The following STXBP3 variants were observed in gnomAD, a reference collection of about 807,000 sequenced individuals.
STXBP3 encodes syntaxin binding protein 3.
STXBP3 carries 41 observed loss-of-function variants against 85.7 expected under a neutral mutation model. That is an observed-to-expected ratio of 0.48 (90% CI 0.37 to 0.62). The LOEUF is 0.62. STXBP3 is among the 20% of genes least tolerant of loss of function. STXBP3 has a pLI of 0.00. For missense variants in STXBP3, 563 were observed against 703.1 expected, an observed-to-expected ratio of 0.80 and a Z score of 2.25; for synonymous variants, 229 against 231.7, an observed-to-expected ratio of 0.99 and a Z score of 0.10.
chr1:108,766,359 C>T (rs1166848614), intron 6 of STXBP3, among the ~76,000 whole-genome samples: 1 of 152,094 alleles, frequency 6.6e-6, no homozygotes, highest in East Asian at 1.9e-4. Context: ...CTTTGATTTG[C>T]ATGTGACTTA....
intron 2 of STXBP3, 70 bp downstream of exon 2, chr1:108,752,376 C>T: frequency 7.2e-7 from 1 of 1,394,896 alleles, no homozygotes; most frequent in Non-Finnish European, 1.0e-6. Context: ...ATAAAAACTA[C>T]ATAGTATTTA....
intron 11 of STXBP3, among the ~76,000 whole-genome samples, chr1:108,787,235 G>A (rs1662850835): frequency 2.0e-5 from 3 of 152,004 alleles, no homozygotes; most frequent in Admixed American, 2.0e-4. Flanking sequence ...CTCCCTAGTA[G>A]CTGGGACTAC....
At chr1:108,765,978 G>T (rs1418128773) in intron 6 of STXBP3, among the ~76,000 whole-genome samples, 1 of 150,090 alleles carries the variant, frequency 6.7e-6, no homozygotes, top group Non-Finnish European at 1.5e-5. Flanking sequence ...TCAGCCTCCC[G>T]AGTAGCTGGG....
At chr1:108,774,625 TTCTC>T (rs1288246439) in intron 7 of STXBP3, among the ~76,000 whole-genome samples, 2 of 147,936 alleles carry the variant, frequency 1.4e-5, no homozygotes, top group East Asian at 4.0e-4. Context: ...AACATTCTTT[TTCTC>T]TCTTTCTTTC....
intron 16 of STXBP3, among the ~76,000 whole-genome samples, chr1:108,799,650 A>T (rs959994956): frequency 2.0e-5 from 3 of 152,156 alleles, no homozygotes; most frequent in African/African-American, 7.2e-5. Context: ...GTTCATGCAC[A>T]CCTAACCATA....
chr1:108,802,713 T>A (rs1423365020), intron 17 of STXBP3, among the ~76,000 whole-genome samples: 1 of 152,236 alleles, frequency 6.6e-6, no homozygotes, highest in African/African-American at 2.4e-5. Flanking sequence ...AAATGTTTTG[T>A]TTTGTTTTCC....
rs1662025014 is a variant in STXBP3, at chr1:108,756,558, T to C, written c.182-132T>C. The C allele has an allele frequency of 1.2e-5, 5 of 428,754 alleles. No homozygotes were observed. The East Asian group carries it at 2.0e-4, about 17-fold the overall frequency. 26.6% of individuals were successfully genotyped at this position (428,754 alleles called of 1,614,324 possible). ...CAAAGAAAATGTTAAACCCAGTAAA[T>C]GTTTTTGTTTTCATATTATTTGTAA... On this transcript the variant is annotated intron_variant, in intron 3 of 18. Transcript: ENST00000370008.
At chr1:108,807,252 C>G in intron 17 of STXBP3, 149 bp from the exon 18 acceptor site, 1 of 813,176 alleles carries the variant, frequency 1.2e-6, no homozygotes, top group African/African-American at 2.2e-5. Flanking sequence ...AGTGAGACTC[C>G]ACCTCAAAAA....
At chr1:108,763,554 T>G (rs1662189145) in intron 6 of STXBP3, among the ~76,000 whole-genome samples, 1 of 152,098 alleles carries the variant, frequency 6.6e-6, no homozygotes, top group African/African-American at 2.4e-5. Flanking sequence ...ATAATGGCAC[T>G]CTGGAAATGG....
intron 13 of STXBP3, among the ~76,000 whole-genome samples, chr1:108,795,538 A>C (rs1266380651): frequency 6.6e-6 from 1 of 152,046 alleles, no homozygotes; most frequent in Non-Finnish European, 1.5e-5. Context: ...ATGTATTCAA[A>C]ATATTATTTC....
intron 17 of STXBP3, 34 bp from the exon 18 acceptor site, chr1:108,807,367 A>T (rs1663361932): frequency 6.3e-7 from 1 of 1,581,708 alleles, no homozygotes; most frequent in Admixed American, 1.9e-5. Flanking sequence ...TGTTTATAAC[A>T]TGTTTACTTT....
At chr1:108,803,042 C>T (rs1303534765) in intron 17 of STXBP3, among the ~76,000 whole-genome samples, 1 of 152,178 alleles carries the variant, frequency 6.6e-6, no homozygotes, top group Non-Finnish European at 1.5e-5. Context: ...ATGCAGTGAG[C>T]ATTCTTGTAC....
chr1:108,753,482 A>G (rs1661951090), intron 3 of STXBP3, among the ~76,000 whole-genome samples: 1 of 152,010 alleles, frequency 6.6e-6, no homozygotes, highest in Non-Finnish European at 1.5e-5. Context: ...ATGGTTTCAT[A>G]TATCGCTTTA....
chr1:108,789,299 T>C (rs904163876), intron 11 of STXBP3, among the ~76,000 whole-genome samples: 3 of 152,152 alleles, frequency 2.0e-5, no homozygotes, highest in African/African-American at 2.4e-5. Flanking sequence ...TTGTAAACTT[T>C]CTTAAAACAT....
chr1:108,791,381 T>C (rs1258240550), intron 11 of STXBP3, among the ~76,000 whole-genome samples: 1 of 152,192 alleles, frequency 6.6e-6, no homozygotes, highest in African/African-American at 2.4e-5. Flanking sequence ...GTCACTGGGT[T>C]GATAACTTTC....
intron 6 of STXBP3, among the ~76,000 whole-genome samples, chr1:108,762,292 C>T (rs1188781519): frequency 6.6e-6 from 1 of 152,090 alleles, no homozygotes; most frequent in Non-Finnish European, 1.5e-5. Flanking sequence ...GGACTAGGCT[C>T]AACTAATTAA....
At chr1:108,797,459 C>T (rs1259872768) in intron 15 of STXBP3, among the ~76,000 whole-genome samples, 1 of 148,600 alleles carries the variant, frequency 6.7e-6, no homozygotes, top group African/African-American at 2.5e-5. Flanking sequence ...GTAGCACAGG[C>T]TGGAGTGCAG....
chr1:108,775,452 AT>A (rs1662567187), intron 7 of STXBP3, among the ~76,000 whole-genome samples: 1 of 151,986 alleles, frequency 6.6e-6, no homozygotes, highest in Admixed American at 6.6e-5. Context: ...ACTCTTAGTT[AT>A]TTTTAAATAT....
chr1:108,755,961 T>A (rs765439034), intron 3 of STXBP3, among the ~76,000 whole-genome samples: 15 of 152,232 alleles, frequency 9.9e-5, no homozygotes, highest in Non-Finnish European at 1.6e-4. Flanking sequence ...CACATTAATG[T>A]TAATTCTTTC....
Sources: gnomAD v4.1 joint callset for allele counts (sites outside exome capture counted in the v4.1 genomes callset) on GRCh38, gnomAD v4.1.1 for gene constraint, MANE v1.5 for transcripts, NCBI Gene and HGNC (gene_info 2026-07-23, HGNC 2026-07-21) for gene names.